PDZRN3: variants seen among roughly 807,000 people sequenced by gnomAD.
PDZRN3 encodes the protein E3 ubiquitin-protein ligase PDZRN3.
A neutral mutation model predicts 85.7 loss-of-function variants in PDZRN3; 38 were observed. The observed-to-expected ratio is 0.44, with a 90% CI of 0.34 to 0.58. The LOEUF (loss-of-function observed/expected upper bound fraction) is 0.58, where lower values mean the gene tolerates loss of function less well. PDZRN3 is among the 20% of genes least tolerant of loss of function. The probability of loss-of-function intolerance (pLI) is 0.01; values close to 1 mark genes in which losing one functional copy is unlikely to be tolerated. For missense variants in PDZRN3, 1,629 were observed against 1,506.4 expected, an observed-to-expected ratio of 1.08 and a Z score of -1.35; for synonymous variants, 759 against 638.0, an observed-to-expected ratio of 1.19 and a Z score of -2.86.
chr3:73,584,685 A>G (rs1702254128), intron 3 of PDZRN3, among the ~76,000 whole-genome samples: 1 of 152,174 alleles, frequency 6.6e-6, no homozygotes, highest in African/African-American at 2.4e-5. Flanking sequence ...ACAGCATTCC[A>G]TGGCAGTCTC....
chr3:73,413,707 T>C lies in PDZRN3; in HGVS notation c.919-9312A>G, dbSNP rs1702019619. ...GAGGTGTTCACCGGTGACTGTAGGATGCCAAGATGTGAGGGTGTAGTGAAA... is the reference window on the plus strand; with the variant it reads ...GAGGTGTTCACCGGTGACTGTAGGACGCCAAGATGTGAGGGTGTAGTGAAA... On this transcript the variant is annotated intron_variant, in intron 3 of 9. Coordinates refer to ENST00000263666, the MANE Select transcript of PDZRN3 (RefSeq NM_015009.3). Among the ~76,000 whole-genome samples the C allele has an allele frequency of 2.0e-5, 3 of 152,050 alleles. No homozygotes were observed. The South Asian group carries it at 6.2e-4, about 32-fold the overall frequency.
intron 3 of PDZRN3, among the ~76,000 whole-genome samples, chr3:73,590,280 AAAAAAAG>A (rs1276511634): frequency 1.3e-5 from 2 of 151,606 alleles, no homozygotes. Context: ...AAAAAAAAAA[AAAAAAAG>A]AAAGAGAATG....
At chr3:73,545,133 C>T (rs1701392324) in intron 3 of PDZRN3, among the ~76,000 whole-genome samples, 1 of 152,210 alleles carries the variant, frequency 6.6e-6, no homozygotes, top group African/African-American at 2.4e-5. Context: ...TGAGCCCACA[C>T]TGGGTGCCAA....
Position 73,384,381 on chromosome 3 carries a change from A to T in PDZRN3, c.2185T>A (p.Tyr729Asn). 3 of 1,609,218 alleles carry T rather than the reference A, an allele frequency of 1.9e-6. No individual in the cohort carries two copies. Among genetic ancestry groups the T allele is most frequent in the South Asian group, 1.1e-5 (1 of 91,082 alleles). The change falls in exon 10 of 10, where the codon TAC becomes AAC. Residue 729 changes from tyrosine to asparagine, a missense_variant. Physicochemically the swap from Tyr to Asn is moderately radical, Grantham distance 143. Transcript: ENST00000263666. The stretch of plus-strand genomic sequence containing the variant: ...CTGCGCACGTCGATGCTGGTGTTGT[A>T]GTTGCGGAAGCCGCTGTTGTGCAGC... ...WMLHNSGFRN[Y>N]NTSIDVRRHE...
At chr3:73,554,531 A>C (rs1306210290) in intron 3 of PDZRN3, among the ~76,000 whole-genome samples, 1 of 152,172 alleles carries the variant, frequency 6.6e-6, no homozygotes, top group Non-Finnish European at 1.5e-5. Flanking sequence ...GAAAAATCAG[A>C]AACAAACCAT....
intron 3 of PDZRN3, among the ~76,000 whole-genome samples, chr3:73,467,354 C>G (rs1170559988): frequency 6.6e-6 from 1 of 152,194 alleles, no homozygotes; most frequent in Non-Finnish European, 1.5e-5. Flanking sequence ...TTTCAGTATA[C>G]TCAATGACAC....
At chr3:73,492,652 C>A (rs1703792896) in intron 3 of PDZRN3, among the ~76,000 whole-genome samples, 1 of 152,154 alleles carries the variant, frequency 6.6e-6, no homozygotes, top group African/African-American at 2.4e-5. Flanking sequence ...GGTACTGAGG[C>A]CCTGCTGCTA....
intron 3 of PDZRN3, among the ~76,000 whole-genome samples, chr3:73,412,007 C>G (rs150393061): frequency 6.6e-6 from 1 of 152,144 alleles, no homozygotes; most frequent in Non-Finnish European, 1.5e-5. Context: ...AGGGCATCTG[C>G]GCATCTGCAG....
chr3:73,486,734 T>TGGAAGATATTTTGGCC (rs1304162565), intron 3 of PDZRN3, among the ~76,000 whole-genome samples: 1 of 152,220 alleles, frequency 6.6e-6, no homozygotes, highest in Non-Finnish European at 1.5e-5. Context: ...GAGGCAGAGC[T>TGGAAGATATTTTGGCC]GGAAGATATT....
At chr3:73,451,152 C>G (rs1160170432) in intron 3 of PDZRN3, among the ~76,000 whole-genome samples, 1 of 152,166 alleles carries the variant, frequency 6.6e-6, no homozygotes. Context: ...TTCCTCGGAG[C>G]TGCAAATACT....
chr3:73,450,089 G>A (rs35765241), intron 3 of PDZRN3, among the ~76,000 whole-genome samples: 1 of 152,308 alleles, frequency 6.6e-6, no homozygotes, highest in Middle Eastern at 3.4e-3. Flanking sequence ...GACCTCTGAA[G>A]GAAGAAAATA....
chr3:73,537,845 C>T (rs4328748), intron 3 of PDZRN3, among the ~76,000 whole-genome samples: 51,815 of 150,344 alleles, frequency 0.34, 9,172 homozygotes, highest in African/African-American at 0.39. Flanking sequence ...AGGCTGGTCT[C>T]GACCTCCTGA....
Position 73,384,080 on chromosome 3 carries a change from A to C in PDZRN3, c.2486T>G (p.Leu829Arg), listed in dbSNP as rs1576014155. ...GCTTTCCAGGGGCTGGTTGGGGTCC[A>C]GCTCCTTCAGGGACGGGCTATAGGT... Reference protein sequence around the residue: ...TPTYSPSLKELDPNQPLESKE... With the variant: ...TPTYSPSLKERDPNQPLESKE... Residue 829 changes from leucine to arginine, a missense_variant, in exon 10 of 10, where the codon CTG (leucine) becomes CGG (arginine). Transcript: ENST00000263666. 1 of 1,612,840 alleles carries C rather than the reference A, an allele frequency of 6.2e-7. No homozygotes were observed. The highest frequency in any genetic ancestry group is 2.2e-5 in the East Asian group (1 of 44,826).
intron 3 of PDZRN3, among the ~76,000 whole-genome samples, chr3:73,601,551 C>G (rs867718687): frequency 2.0e-5 from 3 of 152,208 alleles, no homozygotes; most frequent in Middle Eastern, 6.8e-3. Context: ...TATGTGTATC[C>G]ATCCAAAGAG....
chr3:73,496,169 C>T (rs553589256), intron 3 of PDZRN3, among the ~76,000 whole-genome samples: 6 of 152,082 alleles, frequency 3.9e-5, no homozygotes, highest in African/African-American at 1.2e-4. Context: ...AATGCACACA[C>T]GGTATATACA....
chr3:73,484,872 G>A (rs1262076453), intron 3 of PDZRN3, among the ~76,000 whole-genome samples: 1 of 152,180 alleles, frequency 6.6e-6, no homozygotes, highest in East Asian at 1.9e-4. Flanking sequence ...TGGTATAAAG[G>A]AGGCCTGGGC....
intron 3 of PDZRN3, among the ~76,000 whole-genome samples, chr3:73,535,354 T>TG (rs1256851870): frequency 1.1e-4 from 17 of 152,266 alleles, no homozygotes; most frequent in African/African-American, 3.9e-4. Context: ...CTCCAATATA[T>TG]CATCAAGATA....
Position 73,384,277 on chromosome 3 carries a change from G to C in PDZRN3, c.2289C>G (p.Ser763Arg). 1 of 1,613,022 alleles carries C rather than the reference G, an allele frequency of 6.2e-7. No homozygotes were observed. Among genetic ancestry groups the C allele is most frequent in the Middle Eastern group, 1.7e-4 (1 of 6,060 alleles). ...DSSSAYNTGE[S>R]CRSTPLTLEI... The stretch of plus-strand genomic sequence containing the variant: ...CCAGGGTGAGCGGGGTGCTGCGGCA[G>C]CTCTCGCCTGTGTTGTAGGCGCTCG... The change falls in exon 10 of 10, where the codon AGC (serine) becomes AGG (arginine). Residue 763 changes from serine to arginine, a missense_variant. By Grantham distance (110) the Ser-to-Arg change is moderately radical. Transcript: ENST00000263666.
chr3:73,390,409 A>G (rs926560522), intron 6 of PDZRN3, among the ~76,000 whole-genome samples: 3 of 152,212 alleles, frequency 2.0e-5, no homozygotes, highest in Non-Finnish European at 4.4e-5. Context: ...TATTAAGTCT[A>G]GTAGATCATT....
Sources: allele counts gnomAD v4.1 joint callset (sites outside exome capture counted in the v4.1 genomes callset), GRCh38; gene constraint gnomAD v4.1.1; transcripts MANE v1.5; gene names NCBI Gene and HGNC (gene_info 2026-07-23, HGNC 2026-07-21).